RHBDD1: variants seen among roughly 807,000 people sequenced by gnomAD.
The protein encoded by RHBDD1 is rhomboid-related protein 4.
A neutral mutation model predicts 36.3 loss-of-function variants in RHBDD1; 38 were observed. That is an observed-to-expected ratio of 1.05 (90% CI 0.81 to 1.37). RHBDD1 has a LOEUF of 1.37. RHBDD1 is among the 40% of genes most tolerant of loss of function. RHBDD1 has a pLI of 0.00. For missense variants in RHBDD1, 393 were observed against 377.6 expected (o/e 1.04, Z -0.34); for synonymous variants, 151 against 136.5 (o/e 1.11, Z -0.74).
At chr2:226,988,567 A>G in intron 8 of RHBDD1, 1 of 1,391,588 alleles carries the variant, frequency 7.2e-7, no homozygotes, top group South Asian at 1.9e-5. Context: ...CTGGTGTGGA[A>G]TCTGCATCAG....
intron 3 of RHBDD1, among the ~76,000 whole-genome samples, chr2:226,850,660 A>T (rs1445195393): frequency 6.6e-6 from 1 of 152,140 alleles, no homozygotes; most frequent in Non-Finnish European, 1.5e-5. Context: ...CCCCCTTTCC[A>T]GAAGTTCTAA....
chr2:226,948,177 A>G (rs1951129298), intron 8 of RHBDD1, among the ~76,000 whole-genome samples: 1 of 147,108 alleles, frequency 6.8e-6, no homozygotes, highest in African/African-American at 2.5e-5. Flanking sequence ...CAAATGTCCA[A>G]CAATGATAGA....
rs533987998 is a variant in RHBDD1 at position 226,994,176 on chromosome 2, T to C, written c.857-1255T>C. On this transcript the variant is annotated intron_variant, in intron 8 of 8. Transcript: ENST00000392062. ...TGTGTCAGAACCTCACTGGGCAGCATTGGAAGTCATAAGCAGGTGCTGTTG... is the reference window on the plus strand; with the variant it reads ...TGTGTCAGAACCTCACTGGGCAGCACTGGAAGTCATAAGCAGGTGCTGTTG... Among the ~76,000 whole-genome samples the C allele has an allele frequency of 5.6e-4, 86 of 152,314 alleles. 1 individual carries two copies. The highest frequency in any genetic ancestry group is 2.0e-3 in the African/African-American group (83 of 41,570).
chr2:226,857,841 T>A (rs904298865), intron 3 of RHBDD1, among the ~76,000 whole-genome samples: 1 of 152,180 alleles, frequency 6.6e-6, no homozygotes, highest in African/African-American at 2.4e-5. Flanking sequence ...ATGGAAATTC[T>A]AGAATTAGAT....
chr2:226,987,961 T>A (rs1181658984), intron 8 of RHBDD1, among the ~76,000 whole-genome samples: 1 of 152,134 alleles, frequency 6.6e-6, no homozygotes, highest in African/African-American at 2.4e-5. Context: ...GGGCAATGGT[T>A]GCTGTTTGAT....
At chr2:226,978,007 T>TAGA (rs1954903878) in intron 8 of RHBDD1, among the ~76,000 whole-genome samples, 1 of 152,266 alleles carries the variant, frequency 6.6e-6, no homozygotes. Flanking sequence ...AAATGACTCA[T>TAGA]AGAAGTATGT....
chr2:226,814,553 G>A, the RHBDD1 span, among the ~76,000 whole-genome samples: 1 of 152,144 alleles, frequency 6.6e-6, no homozygotes, highest in African/African-American at 2.4e-5. Flanking sequence ...GGCTAGTTAG[G>A]AGTCTGTTTC....
At position 226,864,722 on chromosome 2, in the gene RHBDD1, C is replaced by T. The variant is rs1944174693; in HGVS notation, c.29C>T (p.Thr10Ile). ...CAACGGAGATCAAGAGGGATAAATA[C>T]TGGACTTATTCTACTCCTTTCTCAA... MQRRSRGIN[T>I]GLILLLSQIF... Residue 10 changes from threonine (T) to isoleucine (I), a missense_variant, in exon 4 of 9, where the codon ACT (threonine) becomes ATT (isoleucine). Thr to Ile is a moderately conservative substitution (Grantham distance 89, BLOSUM62 -1). Coordinates refer to ENST00000392062, the MANE Select transcript of RHBDD1 (RefSeq NM_001167608.3). 2 of 1,613,962 alleles carry T rather than the reference C, an allele frequency of 1.2e-6. No homozygotes were observed. The highest frequency in any genetic ancestry group is 1.3e-5 in the African/African-American group (1 of 74,922).
chr2:226,900,265 T>TA (rs1474338745), intron 5 of RHBDD1, among the ~76,000 whole-genome samples: 1 of 152,234 alleles, frequency 6.6e-6, no homozygotes, highest in African/African-American at 2.4e-5. Flanking sequence ...CATCAATACT[T>TA]ACCTTGCTCT....
intron 7 of RHBDD1, among the ~76,000 whole-genome samples, chr2:226,909,306 A>G (rs544470184): frequency 6.6e-6 from 1 of 152,284 alleles, no homozygotes; most frequent in East Asian, 1.9e-4. Flanking sequence ...GCCTCTAACA[A>G]ATGCCATGTG....
At chr2:226,891,162 C>T (rs919542362) in intron 5 of RHBDD1, among the ~76,000 whole-genome samples, 17 of 152,166 alleles carry the variant, frequency 1.1e-4, no homozygotes, top group African/African-American at 4.1e-4. Flanking sequence ...CGGGCTCTCT[C>T]AAGACTGCAA....
chr2:226,884,123 T>G (rs1946018389), intron 5 of RHBDD1, among the ~76,000 whole-genome samples: 1 of 152,198 alleles, frequency 6.6e-6, no homozygotes, highest in Admixed American at 6.5e-5. Context: ...TGTGTTTACT[T>G]AATTCTTCCC....
intron 8 of RHBDD1, among the ~76,000 whole-genome samples, chr2:226,918,451 A>G (rs986186193): frequency 4.6e-5 from 7 of 151,892 alleles, no homozygotes; most frequent in Non-Finnish European, 8.8e-5. Context: ...CCCATTAACC[A>G]TCTTCATTTC....
chr2:226,925,536 A>G (rs1047779226), intron 8 of RHBDD1, among the ~76,000 whole-genome samples: 1 of 152,212 alleles, frequency 6.6e-6, no homozygotes, highest in Non-Finnish European at 1.5e-5. Context: ...ACTCAAACCA[A>G]ATATTTTTCC....
At chr2:226,854,762 G>A (rs1943161459) in intron 3 of RHBDD1, among the ~76,000 whole-genome samples, 1 of 151,942 alleles carries the variant, frequency 6.6e-6, no homozygotes, top group South Asian at 2.1e-4. Context: ...TCCATAAAGA[G>A]TATCACTACC....
chr2:226,984,081 G>A (rs936799338), intron 8 of RHBDD1, among the ~76,000 whole-genome samples: 1 of 152,194 alleles, frequency 6.6e-6, no homozygotes, highest in East Asian at 1.9e-4. Context: ...TTAGGACAGA[G>A]TCCCAAGAAA....
At chr2:226,992,568 C>T (rs1399719900) in intron 8 of RHBDD1, among the ~76,000 whole-genome samples, 1 of 152,142 alleles carries the variant, frequency 6.6e-6, no homozygotes, top group African/African-American at 2.4e-5. Context: ...ATGCTAGTAG[C>T]CAGTGGAATT....
intron 5 of RHBDD1, among the ~76,000 whole-genome samples, chr2:226,879,746 T>C (rs1945549308): frequency 6.6e-6 from 1 of 152,180 alleles, no homozygotes; most frequent in Non-Finnish European, 1.5e-5. Flanking sequence ...TGGGAGTCCA[T>C]ATAAATAAGC....
At chr2:226,989,415 C>G (rs1292828084) in intron 8 of RHBDD1, among the ~76,000 whole-genome samples, 2 of 152,094 alleles carry the variant, frequency 1.3e-5, no homozygotes, top group African/African-American at 4.8e-5. Context: ...CTTGTGGTGG[C>G]TTATAAGTGC....
Sources: allele counts gnomAD v4.1 joint callset (sites outside exome capture counted in the v4.1 genomes callset), GRCh38; gene constraint gnomAD v4.1.1; transcripts MANE v1.5; gene names NCBI Gene and HGNC (gene_info 2026-07-23, HGNC 2026-07-21).